Variants in TSNARE1 observed in about 807,000 individuals in gnomAD.
The protein encoded by TSNARE1 is t-SNARE domain-containing protein 1.
Under a neutral mutation model 62.0 loss-of-function variants are expected in TSNARE1, and 49 were observed. The observed-to-expected ratio is 0.79, with a 90% CI of 0.63 to 1.00. The LOEUF is 1.00. Ranked by LOEUF, TSNARE1 falls within the 50% of genes least tolerant of loss-of-function variation. The pLI, the probability that TSNARE1 is intolerant of heterozygous loss-of-function variation, is 0.00. For missense variants in TSNARE1, 755 were observed against 700.1 expected (o/e 1.08, Z -0.88); for synonymous variants, 328 against 294.4 (o/e 1.11, Z -1.17).
chr8:142,306,094 T>G (rs1440790543), intron 9 of TSNARE1, among the ~76,000 whole-genome samples: 1 of 152,178 alleles, frequency 6.6e-6, no homozygotes, highest in African/African-American at 2.4e-5. Flanking sequence ...GAGCCCCAGA[T>G]AGCTCACTGT....
Position 142,319,992 on chromosome 8 carries a change from T to G in TSNARE1, c.894-1358A>C, listed in dbSNP as rs1829236403. On this transcript the variant is annotated intron_variant, in intron 6 of 13. Coordinates refer to ENST00000524325, the MANE Select transcript of TSNARE1 (RefSeq NM_145003.5). The surrounding 1 kb of genome is among the most constrained non-coding windows in gnomAD (Gnocchi z 4.9). ...TGCCTCCAGCTCCCAAACACGCCTC[T>G]TCGGCCAACCACTGGCTTAACACTG... Among the ~76,000 whole-genome samples the G allele has an allele frequency of 1.3e-5, 2 of 152,128 alleles. No individual in the cohort carries two copies. Among genetic ancestry groups the G allele is most frequent in the African/African-American group, 4.8e-5 (2 of 41,436 alleles).
intron 12 of TSNARE1, among the ~76,000 whole-genome samples, chr8:142,250,970 C>T (rs914143308): frequency 2.0e-5 from 3 of 152,342 alleles, no homozygotes; most frequent in South Asian, 2.1e-4. Context: ...AGGAAACCCC[C>T]GTAAGGGCGG....
chr8:142,367,580 G>A lies in TSNARE1; in HGVS notation c.-39-12817C>T, dbSNP rs142382787. ...AATATATGTGGGCTTTCTTTTCAGG[G>A]TGATGGAGATATTCTGGCATTTGAT... On this transcript the variant is annotated intron_variant, in intron 1 of 13. Transcript: ENST00000524325. 5.6e-4 allele frequency among the ~76,000 whole-genome samples: 86 copies of A among 152,318 alleles called. 1 individual carries two copies. The East Asian group carries it at 0.013, about 24-fold the overall frequency.
chr8:142,277,490 A>G, intron 11 of TSNARE1: 18 of 985,432 alleles, frequency 1.8e-5, no homozygotes, highest in Non-Finnish European at 2.2e-5. Flanking sequence ...GCCGCTGCAG[A>G]GCGGAAAGCA....
At chr8:142,243,916 G>T (rs990500729) in intron 12 of TSNARE1, among the ~76,000 whole-genome samples, 2 of 152,254 alleles carry the variant, frequency 1.3e-5, no homozygotes, top group African/African-American at 4.8e-5. Flanking sequence ...AGCCGGGCAT[G>T]GTGGCTCATG....
chr8:142,229,853 T>G (rs1021246932), intron 12 of TSNARE1, among the ~76,000 whole-genome samples: 1 of 152,158 alleles, frequency 6.6e-6, no homozygotes, highest in African/African-American at 2.4e-5. Context: ...GGCATGGGTG[T>G]GATTCATGCT....
At chr8:142,269,950 CT>C (rs1414378084) in intron 12 of TSNARE1, 1 of 985,352 alleles carries the variant, frequency 1.0e-6, no homozygotes, top group African/African-American at 1.7e-5. Context: ...TCTCCCTGCT[CT>C]CAGGGATGCT....
At chr8:142,355,367 G>A (rs1834641128) in intron 1 of TSNARE1, among the ~76,000 whole-genome samples, 1 of 152,240 alleles carries the variant, frequency 6.6e-6, no homozygotes, top group African/African-American at 2.4e-5. Context: ...GGGAAGAAGA[G>A]GACCTGCGTC....
intron 12 of TSNARE1, among the ~76,000 whole-genome samples, chr8:142,251,539 A>G (rs1430639953): frequency 6.6e-6 from 1 of 152,168 alleles, no homozygotes; most frequent in African/African-American, 2.4e-5. Flanking sequence ...CCGTCCGAGC[A>G]GCACTGCTCT....
intron 11 of TSNARE1, among the ~76,000 whole-genome samples, chr8:142,281,714 G>A (rs899184010): frequency 6.6e-6 from 1 of 152,212 alleles, no homozygotes; most frequent in Non-Finnish European, 1.5e-5. Flanking sequence ...CTGTGGCCCA[G>A]GGTGGGTGAG....
intron 10 of TSNARE1, among the ~76,000 whole-genome samples, chr8:142,288,945 G>A (rs1157562725): frequency 6.6e-6 from 1 of 152,224 alleles, no homozygotes; most frequent in Non-Finnish European, 1.5e-5. Flanking sequence ...GGCCAGCAGG[G>A]CTGGCAGGTC....
chr8:142,271,121 G>A, intron 12 of TSNARE1: 2 of 986,454 alleles, frequency 2.0e-6, no homozygotes, highest in Non-Finnish European at 2.4e-6. Flanking sequence ...GATCATCCCT[G>A]AGAAGACCTC....
In TSNARE1 at chr8:142,338,513, G is replaced by C. The variant is rs565966884; in HGVS notation, c.745+5453C>G. On this transcript the variant is annotated intron_variant, in intron 4 of 13. Transcript: ENST00000524325. ...ACTGGGCAAGCTGACAGGCTGCCTC[G>C]ACCACTGGGCAAGCTGACAGGCTGC... 3.3e-5 allele frequency among the ~76,000 whole-genome samples: 5 copies of C among 151,066 alleles called. No homozygotes were observed. The South Asian group carries it at 1.0e-3, about 32-fold the overall frequency.
chr8:142,332,115 CGT>C (rs575425828), intron 4 of TSNARE1, among the ~76,000 whole-genome samples: 65 of 152,328 alleles, frequency 4.3e-4, no homozygotes, highest in Admixed American at 2.2e-3. Flanking sequence ...CAGCAGCTGG[CGT>C]GTGTGCCCGG....
intron 1 of TSNARE1, among the ~76,000 whole-genome samples, chr8:142,374,593 T>C (rs968175056): frequency 4.8e-5 from 7 of 145,200 alleles, no homozygotes; most frequent in Non-Finnish European, 9.0e-5. Flanking sequence ...GTTAGGAGAA[T>C]GGCATGAAAC....
chr8:142,305,694 G>A (rs1353773336), intron 9 of TSNARE1, among the ~76,000 whole-genome samples: 1 of 152,216 alleles, frequency 6.6e-6, no homozygotes. Flanking sequence ...GGCCCAATTT[G>A]GGTCTTGAGC....
At chr8:142,273,597 G>C (rs916974428) in intron 12 of TSNARE1, 1 of 985,252 alleles carries the variant, frequency 1.0e-6, no homozygotes, top group Admixed American at 6.1e-5. Context: ...GCTGTCAACA[G>C]GGACTGACCC....
chr8:142,240,316 C>T (rs942175853), intron 12 of TSNARE1, among the ~76,000 whole-genome samples: 5 of 152,146 alleles, frequency 3.3e-5, no homozygotes, highest in Admixed American at 6.5e-5. Flanking sequence ...AACTTGTATA[C>T]AATCTTAACG....
intron 12 of TSNARE1, among the ~76,000 whole-genome samples, chr8:142,235,819 G>GTGCCAGGGCC (rs1375795532): frequency 6.6e-6 from 1 of 152,216 alleles, no homozygotes; most frequent in African/African-American, 2.4e-5. Flanking sequence ...CGTTTCCTCT[G>GTGCCAGGGCC]TGCCAGGGCC....
Sources: allele counts gnomAD v4.1 joint callset (sites outside exome capture counted in the v4.1 genomes callset), GRCh38; gene constraint gnomAD v4.1.1; non-coding constraint Gnocchi (gnomAD v3.1); transcripts MANE v1.5; gene names NCBI Gene and HGNC (gene_info 2026-07-23, HGNC 2026-07-21).